PTPRO: variants seen among roughly 807,000 people sequenced by gnomAD.
PTPRO encodes receptor-type tyrosine-protein phosphatase O.
In PTPRO, 62 loss-of-function variants were observed where a neutral mutation model predicts 145.2. That is an observed-to-expected ratio of 0.43 (90% CI 0.35 to 0.53). The LOEUF (loss-of-function observed/expected upper bound fraction) is 0.53. PTPRO is among the 20% of genes least tolerant of loss of function. The pLI is 0.01. For missense variants in PTPRO, 1,345 were observed against 1,482.7 expected, an observed-to-expected ratio of 0.91 and a Z score of 1.53; for synonymous variants, 565 against 514.7, an observed-to-expected ratio of 1.10 and a Z score of -1.32.
intron 1 of PTPRO, among the ~76,000 whole-genome samples, chr12:15,473,827 A>G (rs1941596358): frequency 2.6e-5 from 4 of 151,602 alleles, no homozygotes; most frequent in South Asian, 2.1e-4. Context: ...TAACACAATA[A>G]CCTTTGAAAT....
intron 1 of PTPRO, among the ~76,000 whole-genome samples, chr12:15,409,029 C>CT (rs1939723238): frequency 6.6e-6 from 1 of 151,950 alleles, no homozygotes; most frequent in African/African-American, 2.4e-5. Flanking sequence ...CATTTCTTCA[C>CT]TTTCTTGAAT....
At chr12:15,379,399 C>T (rs948652787) in intron 1 of PTPRO, among the ~76,000 whole-genome samples, 50 of 150,758 alleles carry the variant, frequency 3.3e-4, no homozygotes, top group African/African-American at 7.5e-4. Flanking sequence ...GGCATGGGGG[C>T]GCACACCTGT....
chr12:15,335,051 TA>T (rs1343792959), intron 1 of PTPRO, among the ~76,000 whole-genome samples: 1 of 152,094 alleles, frequency 6.6e-6, no homozygotes, highest in Admixed American at 6.5e-5. Flanking sequence ...GATATCCTAG[TA>T]AAATTACTAT....
chr12:15,371,484 C>T (rs974529272), intron 1 of PTPRO, among the ~76,000 whole-genome samples: 9 of 152,152 alleles, frequency 5.9e-5, no homozygotes, highest in Admixed American at 6.5e-5. Flanking sequence ...CCACCTGCCT[C>T]GGCCTCCCAA....
intron 1 of PTPRO, among the ~76,000 whole-genome samples, chr12:15,416,639 G>T (rs961709076): frequency 7.3e-5 from 11 of 151,146 alleles, no homozygotes; most frequent in African/African-American, 2.2e-4. Context: ...TCTTAATTCA[G>T]TTTCCCAGGG....
Position 15,484,127 on chromosome 12 carries a change from A to T in PTPRO, c.229A>T (p.Thr77Ser). The T allele has an allele frequency of 6.2e-7, 1 of 1,613,870 alleles. No individual in the cohort carries two copies. Among genetic ancestry groups the T allele is most frequent in the African/African-American group, 1.3e-5 (1 of 75,034 alleles). The change falls in exon 2 of 27, where the codon ACT (threonine) becomes TCT (serine). Residue 77 changes from threonine (T) to serine (S), a missense_variant. This residue lies in a region of PTPRO where 1,130 missense variants were observed against 1,214.7 expected (regional missense o/e 0.93). Coordinates refer to ENST00000281171, the MANE Select transcript of PTPRO (RefSeq NM_030667.3). Reference protein sequence around the residue: ...YFFEFEEFNSTLPPPVIFKAS... With the variant: ...YFFEFEEFNSSLPPPVIFKAS... ...CTTCGAATTTGAGGAATTCAACAGC[A>T]CTTTGCCTCCTCCTGTTATTTTCAA...
intron 1 of PTPRO, among the ~76,000 whole-genome samples, chr12:15,473,768 C>CAAAAA (rs11340085): frequency 3.5e-4 from 23 of 65,566 alleles, no homozygotes; most frequent in Admixed American, 5.8e-4. Context: ...GACTCCATCT[C>CAAAAA]AAAAAAAAAA....
chr12:15,525,374 C>A (rs1223666494), intron 11 of PTPRO, among the ~76,000 whole-genome samples: 2 of 152,102 alleles, frequency 1.3e-5, no homozygotes, highest in Non-Finnish European at 2.9e-5. Context: ...AGGGGACAGA[C>A]TAAACTACTG....
chr12:15,518,344 T>G (rs1355719551), intron 9 of PTPRO, among the ~76,000 whole-genome samples: 1 of 152,230 alleles, frequency 6.6e-6, no homozygotes, highest in East Asian at 1.9e-4. Context: ...ACAGGGACCC[T>G]GGGCCTGGGC....
intron 1 of PTPRO, chr12:15,410,830 C>T (rs1248292123): frequency 1.3e-5 from 2 of 152,184 alleles, no homozygotes; most frequent in African/African-American, 4.8e-5. Context: ...TCCAATACAG[C>T]TCCTTATATT....
intron 1 of PTPRO, among the ~76,000 whole-genome samples, chr12:15,456,352 T>A (rs1017181413): frequency 6.6e-6 from 1 of 152,224 alleles, no homozygotes; most frequent in Non-Finnish European, 1.5e-5. Flanking sequence ...CCTTTTAATA[T>A]GCTGTTGTAT....
intron 1 of PTPRO, chr12:15,440,404 G>T: frequency 6.9e-6 from 2 of 288,170 alleles, no homozygotes; most frequent in South Asian, 6.1e-5. Context: ...CTACAACATA[G>T]GATTTTTATA....
At chr12:15,562,992 TTA>T (rs1207608879) in intron 17 of PTPRO, among the ~76,000 whole-genome samples, 3 of 152,146 alleles carry the variant, frequency 2.0e-5, no homozygotes, top group African/African-American at 7.2e-5. Flanking sequence ...TTGGAGACTT[TTA>T]GAGTTTTGTT....
At position 15,466,539 on chromosome 12, in the gene PTPRO, A is replaced by C. The variant is rs146986150; in HGVS notation, c.76-17435A>C. ...CAATGCCTATAATGGGAACTTTCCT[A>C]GTAATATGCATTAAATGTAATTTCC... On this transcript the variant is annotated intron_variant, in intron 1 of 26. Coordinates refer to ENST00000281171, the MANE Select transcript of PTPRO (RefSeq NM_030667.3). Among the ~76,000 whole-genome samples, 4 of 152,332 alleles carry C rather than the reference A, an allele frequency of 2.6e-5. No individual in the cohort carries two copies. The East Asian group carries it at 7.7e-4, about 29-fold the overall frequency.
chr12:15,390,026 A>T (rs1378768221), intron 1 of PTPRO, among the ~76,000 whole-genome samples: 1 of 152,226 alleles, frequency 6.6e-6, no homozygotes, highest in South Asian at 2.1e-4. Flanking sequence ...AGTTTTGACC[A>T]GGGAAGGAGA....
intron 1 of PTPRO, among the ~76,000 whole-genome samples, chr12:15,400,589 A>G (rs1043238869): frequency 1.3e-5 from 2 of 152,128 alleles, no homozygotes; most frequent in African/African-American, 4.8e-5. Flanking sequence ...AACTCCTCCA[A>G]CTGAGGCACC....
At chr12:15,426,856 A>G (rs1262715889) in intron 1 of PTPRO, among the ~76,000 whole-genome samples, 1 of 152,032 alleles carries the variant, frequency 6.6e-6, no homozygotes. Flanking sequence ...ATGCATTTTT[A>G]TTTGCTCAAT....
chr12:15,580,659 T>A (rs375522688), intron 21 of PTPRO, 38 bp from the exon 22 acceptor site: 4 of 1,613,696 alleles, frequency 2.5e-6, no homozygotes, highest in Non-Finnish European at 3.4e-6. Flanking sequence ...GTGTTGACAG[T>A]GTCTGGTTAG....
intron 22 of PTPRO, 83 bp from the exon 23 acceptor site, chr12:15,581,596 A>G (rs1944319200): frequency 2.0e-5 from 30 of 1,503,024 alleles, no homozygotes; most frequent in Non-Finnish European, 2.8e-5. Flanking sequence ...TTAGAGGCGA[A>G]TACCTTTGTT....
Sources: allele counts gnomAD v4.1 joint callset (sites outside exome capture counted in the v4.1 genomes callset), GRCh38; gene constraint gnomAD v4.1.1; regional missense constraint gnomAD v4.1.1; transcripts MANE v1.5; gene names NCBI Gene and HGNC (gene_info 2026-07-23, HGNC 2026-07-21).